RAB3GAP1: variants seen among roughly 807,000 people sequenced by gnomAD.
The protein encoded by RAB3GAP1 is rab3 GTPase-activating protein catalytic subunit.
RAB3GAP1 carries 86 observed loss-of-function variants against 130.7 expected under a neutral mutation model. The ratio of observed to expected loss-of-function variants is 0.66; its 90% confidence interval spans 0.55 to 0.79. The LOEUF (loss-of-function observed/expected upper bound fraction) is 0.79. Among genes scored for constraint, RAB3GAP1 ranks in the 30% least tolerant of loss-of-function variants. The probability of loss-of-function intolerance (pLI) is 0.00; values close to 1 mark genes in which losing one functional copy is unlikely to be tolerated. For synonymous variants in RAB3GAP1, 367 were observed against 401.7 expected, an observed-to-expected ratio of 0.91 and a Z score of 1.03; for missense variants, 1,029 against 1,169.4, an observed-to-expected ratio of 0.88 and a Z score of 1.75.
chr2:135,074,155 G>A (rs1689555105), intron 3 of RAB3GAP1, among the ~76,000 whole-genome samples: 1 of 152,224 alleles, frequency 6.6e-6, no homozygotes, highest in Admixed American at 6.5e-5. Flanking sequence ...GGTGCTGTTT[G>A]GGATTACCTG....
rs1201345598 is a variant in RAB3GAP1, at chr2:135,169,842, C to T, written c.*1061C>T. ...TTGTGTCTGTGTGGCTAGATGGCCTCTGCTTGGTAATCTTATTTTTAGGCC... is the reference window on the plus strand; with the variant it reads ...TTGTGTCTGTGTGGCTAGATGGCCTTTGCTTGGTAATCTTATTTTTAGGCC... On this transcript the variant is annotated 3_prime_UTR_variant, in exon 24 of 24. Coordinates refer to ENST00000264158, the MANE Select transcript of RAB3GAP1 (RefSeq NM_012233.3). The T allele has an allele frequency of 1.4e-5, 6 of 427,372 alleles. No individual in the cohort carries two copies. Among genetic ancestry groups the T allele is most frequent in the Admixed American group, 2.6e-5 (1 of 38,456 alleles). 26.5% of individuals were successfully genotyped at this position (427,372 alleles called of 1,614,324 possible). A position where few individuals can be genotyped will look rare whatever the true frequency, so the allele number is the denominator to read the frequency against.
chr2:135,071,907 T>G (rs1340358764), intron 3 of RAB3GAP1, among the ~76,000 whole-genome samples: 1 of 149,398 alleles, frequency 6.7e-6, no homozygotes, highest in African/African-American at 2.5e-5. Context: ...GTATTGAATC[T>G]TTCTTTCTTT....
chr2:135,117,750 GCTTCTGCTT>G (rs1313517189), intron 7 of RAB3GAP1, among the ~76,000 whole-genome samples: 1 of 40,294 alleles, frequency 2.5e-5, no homozygotes, highest in Non-Finnish European at 5.6e-5. Flanking sequence ...TTCTTCTTCT[GCTTCTGCTT>G]CTTCTGCTGC....
intron 23 of RAB3GAP1, 85 bp from the exon 24 acceptor site, chr2:135,168,460 T>C: frequency 9.2e-7 from 1 of 1,088,278 alleles, no homozygotes; most frequent in Non-Finnish European, 1.4e-6. Flanking sequence ...TTCATATCTT[T>C]ATTATGTTAA....
chr2:135,074,553 G>C lies in RAB3GAP1; in HGVS notation c.151-16445G>C, dbSNP rs541408813. On this transcript the variant is annotated intron_variant, in intron 3 of 23. Transcript: ENST00000264158. The stretch of plus-strand genomic sequence containing the variant: ...TACTGGCCCTGGCCAGGAACCTTCA[G>C]TTGTCTCTGGGCTTGGACACTGTCC... 4.3e-4 allele frequency among the ~76,000 whole-genome samples: 65 copies of C among 152,324 alleles called. 1 individual carries two copies. The highest frequency in any genetic ancestry group is 1.5e-3 in the African/African-American group (64 of 41,580).
intron 5 of RAB3GAP1, among the ~76,000 whole-genome samples, chr2:135,105,439 G>T (rs1690571945): frequency 6.6e-6 from 1 of 152,038 alleles, no homozygotes; most frequent in South Asian, 2.1e-4. Context: ...TCACTCTGTT[G>T]GCCGGGCTGG....
rs1038545006 is a variant in RAB3GAP1 at position 135,170,553 on chromosome 2, C to G, written c.*1772C>G. ...ACAGAAACCAAAACACACTCCCTTA[C>G]AGGGAAAACTGACACCACGTTGCCA... On this transcript the variant is annotated 3_prime_UTR_variant, in exon 24 of 24. Transcript: ENST00000264158. The G allele has an allele frequency of 1.3e-5, 2 of 152,214 alleles. No homozygotes were observed. The highest frequency in any genetic ancestry group is 4.8e-5 in the African/African-American group (2 of 41,462). 9.4% of individuals were successfully genotyped at this position (152,214 alleles called of 1,614,324 possible).
chr2:135,070,077 T>C (rs1235091827), intron 3 of RAB3GAP1, among the ~76,000 whole-genome samples: 1 of 152,248 alleles, frequency 6.6e-6, no homozygotes, highest in East Asian at 1.9e-4. Context: ...TCATACCCTG[T>C]AGTTCAACAA....
At chr2:135,117,720 T>G (rs940908682) in intron 7 of RAB3GAP1, among the ~76,000 whole-genome samples, 20 of 148,886 alleles carry the variant, frequency 1.3e-4, no homozygotes, top group African/African-American at 2.2e-4. Context: ...TGCTTCTTCT[T>G]CTGCTTCTTC....
chr2:135,103,945 A>G (rs1690522693), intron 5 of RAB3GAP1, among the ~76,000 whole-genome samples: 1 of 152,208 alleles, frequency 6.6e-6, no homozygotes, highest in South Asian at 2.1e-4. Flanking sequence ...CAGGAAAACT[A>G]CATATATGCA....
At chr2:135,158,753 A>G (rs1046287840) in intron 19 of RAB3GAP1, among the ~76,000 whole-genome samples, 2 of 152,194 alleles carry the variant, frequency 1.3e-5, no homozygotes, top group African/African-American at 2.4e-5. Context: ...CATTGCAAGG[A>G]AAGTGGAGAA....
chr2:135,134,733 A>G (rs1691634407), intron 15 of RAB3GAP1, among the ~76,000 whole-genome samples: 1 of 152,192 alleles, frequency 6.6e-6, no homozygotes, highest in Non-Finnish European at 1.5e-5. Context: ...GCTCTGGAAC[A>G]TTTTACAGAC....
At chr2:135,146,388 T>G (rs1363876571) in intron 17 of RAB3GAP1, among the ~76,000 whole-genome samples, 1 of 151,968 alleles carries the variant, frequency 6.6e-6, no homozygotes. Context: ...ATTTTTGTAT[T>G]TTTAATAGAA....
chr2:135,175,901 A>G (rs1692991423), intron 24 of RAB3GAP1, among the ~76,000 whole-genome samples: 1 of 152,218 alleles, frequency 6.6e-6, no homozygotes, highest in Admixed American at 6.5e-5. Flanking sequence ...ACCTTTATTG[A>G]AAAAGAATTA....
intron 5 of RAB3GAP1, among the ~76,000 whole-genome samples, chr2:135,108,158 TC>T (rs1354639145): frequency 6.6e-6 from 1 of 152,172 alleles, no homozygotes; most frequent in African/African-American, 2.4e-5. Flanking sequence ...TGGTTGATTG[TC>T]CTACCTTTCT....
downstream of RAB3GAP1, among the ~76,000 whole-genome samples, chr2:135,171,450 T>G (rs1266001496): frequency 6.6e-6 from 1 of 152,116 alleles, no homozygotes; most frequent in East Asian, 1.9e-4. Flanking sequence ...AGGTGGCAAT[T>G]ACAACTGCAA....
intron 13 of RAB3GAP1, among the ~76,000 whole-genome samples, chr2:135,131,729 C>T (rs1411252478): frequency 6.6e-6 from 1 of 152,202 alleles, no homozygotes; most frequent in Admixed American, 6.5e-5. Context: ...CTTCAGTTTC[C>T]TCATCTAGAA....
At chr2:135,093,563 C>A in intron 4 of RAB3GAP1, 52 bp from the exon 5 acceptor site, 1 of 1,364,272 alleles carries the variant, frequency 7.3e-7, no homozygotes, top group Non-Finnish European at 1.0e-6. Context: ...TGTTATAAAA[C>A]TCTGCCTGAT....
chr2:135,135,126 A>G, intron 15 of RAB3GAP1, 139 bp from the exon 16 acceptor site: 1 of 713,242 alleles, frequency 1.4e-6, no homozygotes, highest in Non-Finnish European at 2.5e-6. Context: ...CCCCTCTGGA[A>G]TTCACTTACC....
Sources: gnomAD v4.1 joint callset for allele counts (sites outside exome capture counted in the v4.1 genomes callset) on GRCh38, gnomAD v4.1.1 for gene constraint, MANE v1.5 for transcripts, NCBI Gene and HGNC (gene_info 2026-07-23, HGNC 2026-07-21) for gene names.